ATP6V1B1: variants seen among roughly 807,000 people sequenced by gnomAD.
ATP6V1B1 encodes the protein V-type proton ATPase subunit B, kidney isoform.
Under a neutral mutation model 62.1 loss-of-function variants are expected in ATP6V1B1, and 41 were observed. The observed-to-expected ratio is 0.66, with a 90% confidence interval of 0.51 to 0.86. The LOEUF (loss-of-function observed/expected upper bound fraction) is 0.86. ATP6V1B1 is among the 40% of genes least tolerant of loss of function. The pLI is 0.00. For synonymous variants in ATP6V1B1, 253 were observed against 273.4 expected, an observed-to-expected ratio of 0.93 and a Z score of 0.74; for missense variants, 651 against 697.5, an observed-to-expected ratio of 0.93 and a Z score of 0.75.
rs1558666551 is a variant in ATP6V1B1 at position 70,936,200 on chromosome 2, C to T, written c.118+128C>T. 4.0e-6 allele frequency: 4 copies of T among 988,798 alleles called. No homozygotes were observed. In the South Asian group the frequency reaches 6.3e-5, roughly 15 times the overall value. The allele number at this position is 988,798 out of a possible 1,614,324, so 61.3% of individuals were successfully genotyped here. A position where few individuals can be genotyped will look rare whatever the true frequency, so the allele number is the denominator to read the frequency against. Reference sequence around the variant, plus strand: ...CCAAGACCTGGGGAGACCTGGAGGGCTCTCTGTCCAGCAGAGTGACGCAGT... The same window carrying T: ...CCAAGACCTGGGGAGACCTGGAGGGTTCTCTGTCCAGCAGAGTGACGCAGT... On this transcript the variant is annotated intron_variant, in intron 1 of 13. Coordinates refer to ENST00000234396, the MANE Select transcript of ATP6V1B1 (RefSeq NM_001692.4).
In ATP6V1B1 at chr2:70,947,773, A is replaced by C. The variant is rs1308262806; in HGVS notation, c.174+4060A>C. On this transcript the variant is annotated intron_variant, in intron 2 of 13. Transcript: ENST00000234396. ...CACTTGCTGGTTGAGAGCTCAGTTG[A>C]ATCTCCAGCACGGGGTTACATTGCA... is the stretch of plus-strand genomic sequence containing the variant. 3.3e-5 allele frequency: 5 copies of C among 152,340 alleles called. No individual in the cohort carries two copies. The East Asian group carries it at 5.8e-4, about 18-fold the overall frequency. 9.4% of individuals were successfully genotyped at this position (152,340 alleles called of 1,614,324 possible). A position where few individuals can be genotyped will look rare whatever the true frequency, so the allele number is the denominator to read the frequency against.
At chr2:70,938,732 C>A (rs1553415944) in intron 1 of ATP6V1B1, 4 of 985,248 alleles carry the variant, frequency 4.1e-6, no homozygotes, top group Middle Eastern at 5.2e-4. Flanking sequence ...GGCCTTGGCT[C>A]CCGGCTGGGG....
intron 2 of ATP6V1B1, among the ~76,000 whole-genome samples, chr2:70,946,188 T>C (rs1680169979): frequency 6.6e-6 from 1 of 152,218 alleles, no homozygotes; most frequent in Non-Finnish European, 1.5e-5. Flanking sequence ...TGACTAGCTA[T>C]GCACCTGTCA....
In ATP6V1B1 at chr2:70,964,546, A is replaced by T; in HGVS notation, c.1248+4A>T. Reference sequence around the variant, plus strand: ...TGGAGATGTCTCCAACCAGCTGGTAAGGAGAAGAGGGTCCGGGGGCTGGTA... The same window carrying T: ...TGGAGATGTCTCCAACCAGCTGGTATGGAGAAGAGGGTCCGGGGGCTGGTA... On this transcript the variant is annotated splice_donor_region_variant and intron_variant, in intron 12 of 13. Coordinates refer to ENST00000234396, the MANE Select transcript of ATP6V1B1 (RefSeq NM_001692.4). The T allele has an allele frequency of 6.2e-7, 1 of 1,613,774 alleles. No individual in the cohort carries two copies. The highest frequency in any genetic ancestry group is 8.5e-7 in the Non-Finnish European group (1 of 1,179,660).
rs782721107 is a variant in ATP6V1B1, at chr2:70,961,657, A to G, written c.749A>G (p.Asn250Ser). The G allele has an allele frequency of 6.2e-7, 1 of 1,614,218 alleles. No individual in the cohort carries two copies. Among genetic ancestry groups the G allele is most frequent in the Admixed American group, 1.7e-5 (1 of 60,026 alleles). Reference sequence around the variant, plus strand: ...TTTGAGCAGAATGGAACCATGGGGAACGTCTGCCTCTTCCTGAACTTGGCC... The same window carrying G: ...TTTGAGCAGAATGGAACCATGGGGAGCGTCTGCCTCTTCCTGAACTTGGCC... ...SDFEQNGTMGNVCLFLNLAND... is the reference protein window; with the variant it reads ...SDFEQNGTMGSVCLFLNLAND... Residue 250 changes from asparagine (N) to serine (S), a missense_variant, in exon 8 of 14, where the codon AAC (asparagine) becomes AGC (serine). Transcript: ENST00000234396.
At chr2:70,953,810 A>G (rs10167366) in intron 2 of ATP6V1B1, among the ~76,000 whole-genome samples, 1 of 152,162 alleles carries the variant, frequency 6.6e-6, no homozygotes, top group Admixed American at 6.5e-5. Flanking sequence ...TGGTAAAACT[A>G]TCTGGGATTG....
chr2:70,950,932 A>ATTTTTTTTTTT (rs55871344), intron 2 of ATP6V1B1, among the ~76,000 whole-genome samples: 5 of 64,624 alleles, frequency 7.7e-5, no homozygotes, highest in African/African-American at 2.6e-4. Flanking sequence ...TTTTTTCCTG[A>ATTTTTTTTTTT]TTTTTTTTTT....
At chr2:70,937,485 G>A (rs1206741063) in intron 1 of ATP6V1B1, among the ~76,000 whole-genome samples, 1 of 152,012 alleles carries the variant, frequency 6.6e-6, no homozygotes, top group Non-Finnish European at 1.5e-5. Context: ...CATGGAGCTC[G>A]GGGGAGGATA....
chr2:70,957,449 TC>T lies in ATP6V1B1; in HGVS notation c.175-594del, dbSNP rs547500526. On this transcript the variant is annotated intron_variant, in intron 2 of 13. Transcript: ENST00000234396. ...TTAGCCTGATTTTTAAAATCCTTGA[TC>T]CCTGGAAGGACTGCGTGAGTCAATT... Among the ~76,000 whole-genome samples the T allele has an allele frequency of 1.6e-3, 242 of 152,190 alleles. 2 individuals are homozygous for T. Among genetic ancestry groups the T allele is most frequent in the African/African-American group, 5.4e-3 (224 of 41,502 alleles).
chr2:70,963,448 C>T lies in ATP6V1B1; in HGVS notation c.1061-124C>T. ...TCCATCGAGATAGACACTGCCCTTT[C>T]CTCCACCATCCATGCCCCCCACACA... On this transcript the variant is annotated intron_variant, in intron 10 of 13. Coordinates refer to ENST00000234396, the MANE Select transcript of ATP6V1B1 (RefSeq NM_001692.4). The surrounding 1 kb of genome is among the most constrained non-coding windows in gnomAD (Gnocchi z 4.3). 1 of 1,520,682 alleles carries T rather than the reference C, an allele frequency of 6.6e-7. No individual in the cohort carries two copies. Among genetic ancestry groups the T allele is most frequent in the Non-Finnish European group, 9.1e-7 (1 of 1,100,816 alleles). 94.2% of individuals were successfully genotyped at this position (1,520,682 alleles called of 1,614,324 possible).
chr2:70,957,804 TCAGGC>T (rs1414685013), intron 2 of ATP6V1B1: 6 of 543,538 alleles, frequency 1.1e-5, no homozygotes, highest in Non-Finnish European at 1.3e-5. Context: ...TTCCACAAGG[TCAGGC>T]AGCTACTAAG....
In ATP6V1B1 at chr2:70,964,872, C is replaced by A. The variant is rs782518742; in HGVS notation, c.1378+7C>A. The A allele has an allele frequency of 2.5e-6, 4 of 1,614,068 alleles. No individual in the cohort carries two copies. The South Asian group carries it at 3.3e-5, about 13-fold the overall frequency. On this transcript the variant is annotated splice_region_variant and intron_variant, in intron 13 of 13. Transcript: ENST00000234396. ...AAGAACTTCATCAATCAGGGTAAGG[C>A]GCGTCGCTGGTGTGGAGCCAGTAAC...
intron 2 of ATP6V1B1, among the ~76,000 whole-genome samples, chr2:70,947,847 GA>G (rs1680222477): frequency 6.6e-6 from 1 of 152,112 alleles, no homozygotes; most frequent in Admixed American, 6.6e-5. Context: ...GACATCAACC[GA>G]GTTGATGGGA....
intron 1 of ATP6V1B1, chr2:70,940,339 C>A: frequency 2.5e-6 from 2 of 807,292 alleles, no homozygotes; most frequent in Non-Finnish European, 3.0e-6. Flanking sequence ...TCCCCTCCCA[C>A]ACCCCCACCT....
intron 6 of ATP6V1B1, among the ~76,000 whole-genome samples, chr2:70,960,431 G>C (rs1680558921): frequency 6.6e-6 from 1 of 152,160 alleles, no homozygotes; most frequent in Non-Finnish European, 1.5e-5. Flanking sequence ...CTTCCTCTCA[G>C]AGCAGCTGGT....
At chr2:70,944,819 C>T (rs1210185197) in intron 2 of ATP6V1B1, among the ~76,000 whole-genome samples, 2 of 152,186 alleles carry the variant, frequency 1.3e-5, no homozygotes, top group African/African-American at 2.4e-5. Flanking sequence ...CAGGCACCCG[C>T]TACCACGCCC....
chr2:70,961,794 C>A, intron 8 of ATP6V1B1, 101 bp downstream of exon 8: 1 of 1,154,730 alleles, frequency 8.7e-7, no homozygotes, highest in Non-Finnish European at 1.3e-6. Flanking sequence ...GAACTACAGC[C>A]ATACGCCAGA....
At chr2:70,950,205 A>G (rs903573891) in intron 2 of ATP6V1B1, among the ~76,000 whole-genome samples, 3 of 152,102 alleles carry the variant, frequency 2.0e-5, no homozygotes, top group African/African-American at 7.2e-5. Context: ...TGTCTACCTC[A>G]TATCAATTTA....
intron 1 of ATP6V1B1, chr2:70,940,572 GT>G (rs1243156227): frequency 3.0e-6 from 3 of 985,182 alleles, no homozygotes; most frequent in Non-Finnish European, 3.6e-6. Context: ...GCTGTTTGGA[GT>G]TTTTTTTAAT....
Sources: allele counts gnomAD v4.1 joint callset (sites outside exome capture counted in the v4.1 genomes callset), GRCh38; gene constraint gnomAD v4.1.1; non-coding constraint Gnocchi (gnomAD v3.1); transcripts MANE v1.5; gene names NCBI Gene and HGNC (gene_info 2026-07-23, HGNC 2026-07-21).